Variants in TRIM44 observed in about 807,000 individuals in gnomAD.
TRIM44 encodes tripartite motif-containing protein 44.
TRIM44 carries 13 observed loss-of-function variants against 37.4 expected under a neutral mutation model. That is an observed-to-expected ratio of 0.35 (90% CI 0.23 to 0.55). The LOEUF (loss-of-function observed/expected upper bound fraction) is 0.55, where lower values mean the gene tolerates loss of function less well. TRIM44 is among the 20% of genes least tolerant of loss of function. The pLI, the probability that TRIM44 is intolerant of heterozygous loss-of-function variation, is 0.89. For missense variants in TRIM44, 426 were observed against 437.2 expected (o/e 0.97, Z 0.23); for synonymous variants, 175 against 157.2 (o/e 1.11, Z -0.85).
chr11:35,689,501 G>C (rs1441824779), intron 2 of TRIM44, among the ~76,000 whole-genome samples: 1 of 152,116 alleles, frequency 6.6e-6, no homozygotes, highest in African/African-American at 2.4e-5. Context: ...TGTTTGACTT[G>C]GTTTAGTTTG....
chr11:35,789,851 T>C, intron 4 of TRIM44, among the ~76,000 whole-genome samples: 1 of 152,364 alleles, frequency 6.6e-6, no homozygotes, highest in Non-Finnish European at 1.5e-5. Flanking sequence ...TTATGACACT[T>C]GATTTCTATT....
At chr11:35,744,649 C>T (rs114348075) in intron 4 of TRIM44, among the ~76,000 whole-genome samples, 34 of 152,138 alleles carry the variant, frequency 2.2e-4, no homozygotes, top group African/African-American at 8.0e-4. Context: ...TGGTTTGCTG[C>T]ACAGATCGTC....
At chr11:35,688,966 G>A (rs1195617569) in intron 2 of TRIM44, among the ~76,000 whole-genome samples, 1 of 152,090 alleles carries the variant, frequency 6.6e-6, no homozygotes, top group African/African-American at 2.4e-5. Context: ...ATAAGTCCAG[G>A]TGATTTCAAC....
intron 1 of TRIM44, among the ~76,000 whole-genome samples, chr11:35,684,860 A>G (rs547238956): frequency 6.6e-6 from 1 of 152,342 alleles, no homozygotes; most frequent in East Asian, 1.9e-4. Context: ...TTTAATTTTT[A>G]TAAGTATATT....
chr11:35,747,950 TTGCATAGA>T (rs1485937621), intron 4 of TRIM44, among the ~76,000 whole-genome samples: 4 of 152,036 alleles, frequency 2.6e-5, no homozygotes, highest in African/African-American at 9.7e-5. Flanking sequence ...TACCGGCAAG[TTGCATAGA>T]TGAAAAGGCC....
chr11:35,801,093 T>C (rs920912666), intron 4 of TRIM44, among the ~76,000 whole-genome samples: 1 of 152,198 alleles, frequency 6.6e-6, no homozygotes, highest in Non-Finnish European at 1.5e-5. Flanking sequence ...AGAAGGCAAC[T>C]CGCTCTGTCT....
intron 4 of TRIM44, among the ~76,000 whole-genome samples, chr11:35,789,449 G>A (rs535945855): frequency 6.7e-6 from 1 of 148,878 alleles, no homozygotes; most frequent in South Asian, 2.1e-4. Flanking sequence ...TTTACCATGT[G>A]CTATATGTTT....
intron 4 of TRIM44, among the ~76,000 whole-genome samples, chr11:35,742,130 A>G (rs1437199957): frequency 6.6e-6 from 1 of 151,850 alleles, no homozygotes; most frequent in Non-Finnish European, 1.5e-5. Flanking sequence ...TTTTGTAGAG[A>G]TGAAGTCTCA....
intron 4 of TRIM44, among the ~76,000 whole-genome samples, chr11:35,800,187 T>C (rs990417675): frequency 2.0e-5 from 3 of 152,186 alleles, no homozygotes; most frequent in African/African-American, 7.2e-5. Flanking sequence ...TCCAGTGGGT[T>C]TGTGGTCTTG....
Position 35,683,096 on chromosome 11 carries a change from G to A in TRIM44, c.670-2163G>A, listed in dbSNP as rs956786519. On this transcript the variant is annotated intron_variant, in intron 1 of 4. Transcript: ENST00000299413. ...ACAGGCTTTATTGTCTGATCATCTC[G>A]TAAAAGCATGATTGTTTCTGGCAAC... 7.9e-5 allele frequency among the ~76,000 whole-genome samples: 12 copies of A among 152,192 alleles called. No homozygotes were observed. The East Asian group carries it at 1.7e-3, about 22-fold the overall frequency.
intron 2 of TRIM44, among the ~76,000 whole-genome samples, chr11:35,704,295 G>C (rs1028473224): frequency 6.6e-6 from 1 of 152,230 alleles, no homozygotes; most frequent in Non-Finnish European, 1.5e-5. Context: ...TGGTGTACCT[G>C]AAAGTGATGG....
Position 35,813,476 on chromosome 11 carries a change from CAT to C in TRIM44, c.*7094_*7095del, listed in dbSNP as rs1330806331. 6.6e-6 allele frequency: 1 copy of C among 152,090 alleles called. No homozygotes were observed. Among genetic ancestry groups the C allele is most frequent in the African/African-American group, 2.4e-5 (1 of 41,390 alleles). The allele number at this position is 152,090 out of a possible 1,614,324, so 9.4% of individuals were successfully genotyped here. On this transcript the variant is annotated 3_prime_UTR_variant, in exon 5 of 5. Transcript: ENST00000299413. ...AGAACCTATTTGCTCTTCCTTCACA[CAT>C]ATTTCTAACTGTAAAGGAAAGAAAC...
chr11:35,751,277 T>C (rs1645009302), intron 4 of TRIM44, among the ~76,000 whole-genome samples: 1 of 152,268 alleles, frequency 6.6e-6, no homozygotes, highest in African/African-American at 2.4e-5. Context: ...TAATACATGT[T>C]TATCATATGT....
rs886724046 is a variant in TRIM44 at position 35,744,235 on chromosome 11, T to C, written c.1007+8790T>C. Among the ~76,000 whole-genome samples the C allele has an allele frequency of 2.4e-4, 36 of 152,132 alleles. 1 individual carries two copies. Among genetic ancestry groups the C allele is most frequent in the Admixed American group, 2.0e-4 (3 of 15,276 alleles). ...ACACCCTTTTTAACTGGAATTTATA[T>C]AAACAACAAAAAAAATTAGTATGAG... On this transcript the variant is annotated intron_variant, in intron 4 of 4. Transcript: ENST00000299413.
At position 35,703,866 on chromosome 11, in the gene TRIM44, A is replaced by G. The variant is rs192631890; in HGVS notation, c.747+18530A>G. Among the ~76,000 whole-genome samples, 9 of 152,360 alleles carry G rather than the reference A, an allele frequency of 5.9e-5. No individual in the cohort carries two copies. In the East Asian group the frequency reaches 9.6e-4, roughly 16 times the overall value. Reference sequence around the variant, plus strand: ...AAAGTAGAGTGCCTCTCCTTCTCCAAAGGAACACAGCTCCTCACCAGCAAC... The same window carrying G: ...AAAGTAGAGTGCCTCTCCTTCTCCAGAGGAACACAGCTCCTCACCAGCAAC... On this transcript the variant is annotated intron_variant, in intron 2 of 4. Transcript: ENST00000299413.
intron 4 of TRIM44, among the ~76,000 whole-genome samples, chr11:35,749,170 G>A (rs1425093434): frequency 6.6e-6 from 1 of 152,156 alleles, no homozygotes; most frequent in Non-Finnish European, 1.5e-5. Context: ...TGTCTTTGGT[G>A]CTAGGGATAT....
At chr11:35,726,683 TAA>T (rs34279918) in intron 3 of TRIM44, among the ~76,000 whole-genome samples, 24,950 of 147,142 alleles carry the variant, frequency 0.17, 2,324 homozygotes, top group East Asian at 0.38. Context: ...ATTGTAAGAT[TAA>T]AAAAAAAAAA....
intron 4 of TRIM44, among the ~76,000 whole-genome samples, chr11:35,753,712 T>C (rs1037966105): frequency 2.6e-5 from 4 of 152,148 alleles, no homozygotes; most frequent in Non-Finnish European, 5.9e-5. Context: ...GGGATGAGAA[T>C]ATAGTTGCCA....
chr11:35,806,610 C>A lies in TRIM44; in HGVS notation c.*225C>A. ...TTGTGGTAGGTCAAGGAAAAGAGCC[C>A]CTTTGATCCACCAGGAGCAATTAAG... On this transcript the variant is annotated 3_prime_UTR_variant, in exon 5 of 5. Transcript: ENST00000299413. The A allele has an allele frequency of 1.8e-6, 1 of 541,864 alleles. No homozygotes were observed. Among genetic ancestry groups the A allele is most frequent in the Non-Finnish European group, 3.3e-6 (1 of 303,674 alleles). The allele number at this position is 541,864 out of a possible 1,614,324, so 33.6% of individuals were successfully genotyped here.
Sources: allele counts gnomAD v4.1 joint callset (sites outside exome capture counted in the v4.1 genomes callset), GRCh38; gene constraint gnomAD v4.1.1; transcripts MANE v1.5; gene names NCBI Gene and HGNC (gene_info 2026-07-23, HGNC 2026-07-21).